BANK1: variants seen among roughly 807,000 people sequenced by gnomAD.
BANK1 encodes the protein B-cell scaffold protein with ankyrin repeats.
BANK1 carries 95 observed loss-of-function variants against 94.5 expected under a neutral mutation model. The observed-to-expected ratio is 1.00, with a 90% CI of 0.85 to 1.19. BANK1 has a LOEUF of 1.19. Ranked by LOEUF, BANK1 falls within the 50% of genes most tolerant of loss-of-function variation. The pLI is 0.00. For synonymous variants in BANK1, 334 were observed against 308.4 expected (o/e 1.08, Z -0.87); for missense variants, 987 against 932.2 (o/e 1.06, Z -0.77).
chr4:101,903,010 A>G (rs1265989081), intron 6 of BANK1, among the ~76,000 whole-genome samples: 1 of 152,260 alleles, frequency 6.6e-6, no homozygotes, highest in Non-Finnish European at 1.5e-5. Flanking sequence ...ATGAAGAATC[A>G]GAAATCACAT....
At chr4:102,035,699 A>G (rs1412403491) in intron 10 of BANK1, among the ~76,000 whole-genome samples, 2 of 151,662 alleles carry the variant, frequency 1.3e-5, no homozygotes, top group Non-Finnish European at 2.9e-5. Context: ...ATCAAGATAT[A>G]TGTTTCTGAT....
At chr4:101,979,874 ATTGG>A (rs1725270832) in intron 7 of BANK1, among the ~76,000 whole-genome samples, 2 of 151,854 alleles carry the variant, frequency 1.3e-5, no homozygotes, top group African/African-American at 4.8e-5. Flanking sequence ...ATGGGAGTAA[ATTGG>A]TATCTGACTT....
chr4:102,002,747 A>G (rs908917983), intron 7 of BANK1, among the ~76,000 whole-genome samples: 2 of 152,160 alleles, frequency 1.3e-5, no homozygotes, highest in Non-Finnish European at 1.5e-5. Flanking sequence ...ATTCAGGGAA[A>G]CTATTCAGAT....
intron 6 of BANK1, among the ~76,000 whole-genome samples, chr4:101,897,368 A>G (rs1722120621): frequency 6.6e-6 from 1 of 152,030 alleles, no homozygotes; most frequent in Non-Finnish European, 1.5e-5. Context: ...TTTTATATGT[A>G]AAGAATTCCA....
intron 3 of BANK1, among the ~76,000 whole-genome samples, chr4:101,856,062 G>A (rs551815223): frequency 3.1e-4 from 47 of 152,306 alleles, no homozygotes; most frequent in African/African-American, 1.1e-3. Context: ...GGAGTTGCCT[G>A]AAGGAGTCTT....
intron 7 of BANK1, among the ~76,000 whole-genome samples, chr4:101,981,264 A>T (rs1725317237): frequency 6.6e-6 from 1 of 152,072 alleles, no homozygotes; most frequent in Admixed American, 6.6e-5. Flanking sequence ...CTGAGAATTA[A>T]TTTTTATTTG....
At chr4:101,933,275 G>T (rs530565511) in intron 7 of BANK1, among the ~76,000 whole-genome samples, 33 of 145,360 alleles carry the variant, frequency 2.3e-4, no homozygotes, top group South Asian at 4.3e-4. Flanking sequence ...GACAGGTAGC[G>T]TATTCAATGG....
intron 7 of BANK1, among the ~76,000 whole-genome samples, chr4:101,977,288 C>A (rs888264227): frequency 1.2e-4 from 18 of 152,128 alleles, no homozygotes; most frequent in Non-Finnish European, 2.1e-4. Flanking sequence ...GTGAATCACA[C>A]ACTGGTTCTT....
chr4:101,944,722 C>A (rs1723873366), intron 7 of BANK1, among the ~76,000 whole-genome samples: 1 of 151,950 alleles, frequency 6.6e-6, no homozygotes, highest in Non-Finnish European at 1.5e-5. Context: ...TTAGAGCCAG[C>A]AGGTTTTGTT....
intron 7 of BANK1, among the ~76,000 whole-genome samples, chr4:101,959,024 C>G (rs999680118): frequency 1.3e-5 from 2 of 152,130 alleles, no homozygotes; most frequent in African/African-American, 4.8e-5. Flanking sequence ...ATGATTATAG[C>G]AAGAAAGTTG....
At position 101,829,917 on chromosome 4, in the gene BANK1, T is replaced by C; in HGVS notation, c.180T>C (p.Tyr60=). 1 of 1,613,980 alleles carries C rather than the reference T, an allele frequency of 6.2e-7. No homozygotes were observed. The stretch of plus-strand genomic sequence containing the variant: ...TGAAAAGGGAAGCCATCCTGTTATA[T>C]CGCTTGGAGAATTTCTCTTTTCGGC... The part of the protein sequence containing the change: ...HVVKREAILL[Y]RLENFSFRHL... The change falls in exon 2 of 17, where the codon TAT becomes TAC. Residue 60 remains tyrosine (Y), a synonymous_variant. Transcript: ENST00000322953.
At chr4:101,929,712 G>C (rs934858872) in intron 7 of BANK1, among the ~76,000 whole-genome samples, 3 of 151,546 alleles carry the variant, frequency 2.0e-5, no homozygotes, top group African/African-American at 7.2e-5. Flanking sequence ...AAAGTAGCCA[G>C]AGATTGCATT....
At chr4:102,001,546 G>A (rs1460189884) in intron 7 of BANK1, among the ~76,000 whole-genome samples, 1 of 152,190 alleles carries the variant, frequency 6.6e-6, no homozygotes, top group Non-Finnish European at 1.5e-5. Context: ...GTTGCAGTGA[G>A]CCGAGATTGT....
chr4:101,884,204 C>T (rs1728768231), intron 5 of BANK1, among the ~76,000 whole-genome samples: 1 of 152,178 alleles, frequency 6.6e-6, no homozygotes, highest in South Asian at 2.1e-4. Context: ...TTTTGTTAAC[C>T]TTGGTACCTT....
intron 10 of BANK1, among the ~76,000 whole-genome samples, chr4:102,032,997 T>G (rs1440987821): frequency 1.3e-5 from 2 of 152,208 alleles, no homozygotes; most frequent in African/African-American, 4.8e-5. Flanking sequence ...ACCAGCTTTT[T>G]CATTGGATGG....
chr4:102,072,477 C>A, intron 15 of BANK1, 77 bp downstream of exon 15: 1 of 1,110,092 alleles, frequency 9.0e-7, no homozygotes, highest in Non-Finnish European at 1.3e-6. Context: ...AGCCTTCTAT[C>A]CTGTCTATGC....
intron 3 of BANK1, among the ~76,000 whole-genome samples, chr4:101,858,013 A>C (rs78706075): frequency 0.085 from 12,944 of 152,184 alleles, 806 homozygotes; most frequent in African/African-American, 0.17. Context: ...CCACTGTTCA[A>C]ACGAACCTCA....
intron 10 of BANK1, among the ~76,000 whole-genome samples, chr4:102,039,241 T>C (rs1000165139): frequency 6.6e-6 from 1 of 152,168 alleles, no homozygotes; most frequent in Non-Finnish European, 1.5e-5. Context: ...TAATGGCCTG[T>C]ATTTGATAAG....
chr4:101,928,775 G>A (rs1344309177), intron 7 of BANK1, among the ~76,000 whole-genome samples: 1 of 151,670 alleles, frequency 6.6e-6, no homozygotes, highest in African/African-American at 2.4e-5. Flanking sequence ...CGCTAAATAA[G>A]CCCACAGTGC....
Sources: gnomAD v4.1 joint callset for allele counts (sites outside exome capture counted in the v4.1 genomes callset) on GRCh38, gnomAD v4.1.1 for gene constraint, MANE v1.5 for transcripts, NCBI Gene and HGNC (gene_info 2026-07-23, HGNC 2026-07-21) for gene names.